The following PCDH7 variants were observed in gnomAD, a reference collection of about 807,000 sequenced individuals.
PCDH7 encodes the protein protocadherin 7.
A neutral mutation model predicts 58.9 loss-of-function variants in PCDH7; 17 were observed. The ratio of observed to expected loss-of-function variants is 0.29; its 90% CI spans 0.20 to 0.43. PCDH7 has a LOEUF of 0.43. PCDH7 is among the 20% of genes least tolerant of loss of function. The pLI is 1.00. For missense variants in PCDH7, 1,274 were observed against 1,441.0 expected (o/e 0.88, Z 1.88); for synonymous variants, 664 against 616.4 (o/e 1.08, Z -1.14).
intron 2 of PCDH7, among the ~76,000 whole-genome samples, chr4:30,929,370 G>C (rs1328056858): frequency 1.3e-5 from 2 of 151,982 alleles, no homozygotes; most frequent in East Asian, 1.9e-4. Flanking sequence ...TTTAAATCTT[G>C]TCTCTGATAA....
intron 1 of PCDH7, among the ~76,000 whole-genome samples, chr4:30,870,085 T>G (rs1578113417): frequency 6.6e-6 from 1 of 152,284 alleles, no homozygotes; most frequent in Admixed American, 6.5e-5. Context: ...ATGTCTTATT[T>G]TGAGAAGTGT....
intron 1 of PCDH7, among the ~76,000 whole-genome samples, chr4:30,828,786 T>C (rs575508506): frequency 1.1e-4 from 17 of 152,178 alleles, no homozygotes; most frequent in African/African-American, 3.8e-4. Flanking sequence ...TTCTGGTTTG[T>C]CATTTATAAG....
At position 30,746,179 on chromosome 4, in the gene PCDH7, T is replaced by C. The variant is rs1717755200; in HGVS notation, c.70+21583T>C. On this transcript the variant is annotated intron_variant, in intron 1 of 3. Transcript: ENST00000509759. ...TGAAGCAATTCAAGGTTTGAAAGAC[T>C]CTCACCTCGAGGAAATAATAGTGGC... Among the ~76,000 whole-genome samples, 5 of 152,188 alleles carry C rather than the reference T, an allele frequency of 3.3e-5. No homozygotes were observed. The South Asian group carries it at 1.0e-3, about 32-fold the overall frequency.
At chr4:30,727,294 C>T (rs991347495) in intron 1 of PCDH7, among the ~76,000 whole-genome samples, 2 of 151,790 alleles carry the variant, frequency 1.3e-5, no homozygotes, top group African/African-American at 4.8e-5. Context: ...AAGTGTTGAA[C>T]CTAAGTCCTG....
At chr4:31,038,778 G>T (rs190526188) in intron 3 of PCDH7, among the ~76,000 whole-genome samples, 23 of 152,150 alleles carry the variant, frequency 1.5e-4, no homozygotes, top group African/African-American at 5.5e-4. Flanking sequence ...TCTATTGATG[G>T]ACATTAGAAT....
chr4:31,066,543 C>A (rs182542699), intron 3 of PCDH7, among the ~76,000 whole-genome samples: 2 of 152,020 alleles, frequency 1.3e-5, no homozygotes, highest in East Asian at 3.9e-4. Context: ...CTGACCAAAG[C>A]CACATTCGCA....
chr4:31,060,430 A>G (rs1323465433), intron 3 of PCDH7, among the ~76,000 whole-genome samples: 1 of 151,676 alleles, frequency 6.6e-6, no homozygotes, highest in Non-Finnish European at 1.5e-5. Flanking sequence ...TGTCTTCCTC[A>G]TTGCCGTATT....
intron 1 of PCDH7, among the ~76,000 whole-genome samples, chr4:30,761,035 A>G (rs1005789052): frequency 6.6e-6 from 1 of 152,170 alleles, no homozygotes; most frequent in Non-Finnish European, 1.5e-5. Flanking sequence ...TGCTTGCCTA[A>G]AGGAACTGCT....
chr4:30,894,924 A>G (rs1352797323), intron 1 of PCDH7, among the ~76,000 whole-genome samples: 1 of 151,694 alleles, frequency 6.6e-6, no homozygotes, highest in African/African-American at 2.4e-5. Flanking sequence ...CATATGCAAA[A>G]CCTCTAGCAT....
At chr4:31,072,375 A>G (rs1758617875) in intron 3 of PCDH7, among the ~76,000 whole-genome samples, 1 of 152,142 alleles carries the variant, frequency 6.6e-6, no homozygotes, top group South Asian at 2.1e-4. Flanking sequence ...CTGTAAATGT[A>G]TAGATGTGTA....
rs189558871 is a variant in PCDH7 at position 31,008,968 on chromosome 4, A to G, written c.*7+58753A>G. The stretch of plus-strand genomic sequence containing the variant: ...CTACTACTGCCACACTGTATGTCCC[A>G]TCACATAATATACAAAGTCACTTCA... On this transcript the variant is annotated intron_variant, in intron 3 of 3. Transcript: ENST00000509759. Among the ~76,000 whole-genome samples, 574 of 152,224 alleles carry G rather than the reference A, an allele frequency of 3.8e-3. 1 individual carries two copies. The highest frequency in any genetic ancestry group is 6.5e-3 in the Non-Finnish European group (444 of 67,978).
chr4:30,830,188 A>T (rs1729593122), intron 1 of PCDH7, among the ~76,000 whole-genome samples: 1 of 152,088 alleles, frequency 6.6e-6, no homozygotes, highest in Non-Finnish European at 1.5e-5. Context: ...TGCTTTGAAA[A>T]GTGTATACTT....
chr4:31,136,577 T>C, intron 3 of PCDH7, among the ~76,000 whole-genome samples: 1 of 152,208 alleles, frequency 6.6e-6, no homozygotes, highest in Non-Finnish European at 1.5e-5. Context: ...AAAAACTCTT[T>C]GGAAATCTTA....
chr4:30,801,891 G>A (rs1374009663), intron 1 of PCDH7, among the ~76,000 whole-genome samples: 1 of 152,146 alleles, frequency 6.6e-6, no homozygotes, highest in Non-Finnish European at 1.5e-5. Flanking sequence ...TCACTATTTA[G>A]ATTCCAGAGA....
At chr4:30,895,927 A>G (rs955081729) in intron 1 of PCDH7, among the ~76,000 whole-genome samples, 15 of 152,214 alleles carry the variant, frequency 9.9e-5, no homozygotes, top group East Asian at 7.7e-4. Context: ...TCAGGACTCT[A>G]TTGATGCTTT....
chr4:31,024,934 G>T (rs1439949680), intron 3 of PCDH7, among the ~76,000 whole-genome samples: 1 of 152,010 alleles, frequency 6.6e-6, no homozygotes, highest in Non-Finnish European at 1.5e-5. Context: ...GTAGAGACAG[G>T]GTTTCACCAT....
At chr4:31,055,284 G>A (rs1349373443) in intron 3 of PCDH7, among the ~76,000 whole-genome samples, 1 of 152,032 alleles carries the variant, frequency 6.6e-6, no homozygotes, top group African/African-American at 2.4e-5. Context: ...AGCATTTTCT[G>A]TTAAAAATAT....
chr4:30,749,230 A>G (rs1055328340), intron 1 of PCDH7, among the ~76,000 whole-genome samples: 3 of 152,226 alleles, frequency 2.0e-5, no homozygotes, highest in Non-Finnish European at 4.4e-5. Context: ...ACTCTCATCA[A>G]TTAATGCCCC....
At chr4:30,802,288 A>C (rs1209353113) in intron 1 of PCDH7, among the ~76,000 whole-genome samples, 2 of 97,336 alleles carry the variant, frequency 2.1e-5, no homozygotes, top group Non-Finnish European at 3.7e-5. Flanking sequence ...TATGGTAGCC[A>C]GGCAAGAAAA....
Sources: allele counts gnomAD v4.1 joint callset (sites outside exome capture counted in the v4.1 genomes callset), GRCh38; gene constraint gnomAD v4.1.1; transcripts MANE v1.5; gene names NCBI Gene and HGNC (gene_info 2026-07-23, HGNC 2026-07-21).